The following PRPSAP1 variants were observed in gnomAD, a reference collection of about 807,000 sequenced individuals.
The protein encoded by PRPSAP1 is phosphoribosyl pyrophosphate synthase-associated protein 1.
PRPSAP1 carries 31 observed loss-of-function variants against 39.4 expected under a neutral mutation model. The ratio of observed to expected loss-of-function variants is 0.79; its 90% CI spans 0.59 to 1.06. The LOEUF (loss-of-function observed/expected upper bound fraction) is 1.06, where lower values mean the gene tolerates loss of function less well. Ranked by LOEUF, PRPSAP1 falls within the 50% of genes least tolerant of loss-of-function variation. The pLI, the probability that PRPSAP1 is intolerant of heterozygous loss-of-function variation, is 0.00. For synonymous variants in PRPSAP1, 212 were observed against 192.6 expected, an observed-to-expected ratio of 1.10 and a Z score of -0.83; for missense variants, 430 against 511.6, an observed-to-expected ratio of 0.84 and a Z score of 1.54.
chr17:76,312,107 G>A (rs1485510091), intron 9 of PRPSAP1, among the ~76,000 whole-genome samples: 3 of 152,116 alleles, frequency 2.0e-5, no homozygotes, highest in Non-Finnish European at 4.4e-5. Flanking sequence ...GGTTATGTCT[G>A]GATAAACGCA....
intron 7 of PRPSAP1, among the ~76,000 whole-genome samples, chr17:76,317,957 C>T (rs1340232637): frequency 6.8e-6 from 1 of 146,252 alleles, no homozygotes; most frequent in East Asian, 1.9e-4. Context: ...CTAAAATGAG[C>T]TTCTCAGCCT....
At chr17:76,332,903 T>A (rs935553461) in intron 3 of PRPSAP1, among the ~76,000 whole-genome samples, 2 of 151,670 alleles carry the variant, frequency 1.3e-5, no homozygotes, top group Non-Finnish European at 3.0e-5. Context: ...TTTTTTTTTT[T>A]TTTTTTTGAG....
intron 7 of PRPSAP1, among the ~76,000 whole-genome samples, chr17:76,315,700 C>CCTTTT (rs2071115206): frequency 1.4e-5 from 1 of 72,640 alleles, no homozygotes; most frequent in African/African-American, 6.4e-5. Flanking sequence ...GACCTATCCG[C>CCTTTT]TTTTTTTTTT....
In PRPSAP1 at chr17:76,348,546, T is replaced by C. The variant is rs1271423878; in HGVS notation, c.206A>G (p.Tyr69Cys). 2.0e-6 allele frequency: 3 copies of C among 1,516,442 alleles called. No homozygotes were observed. The highest frequency in any genetic ancestry group is 5.0e-5 in the Admixed American group (2 of 40,322). The allele number at this position is 1,516,442 out of a possible 1,614,324, so 93.9% of individuals were successfully genotyped here. ...LGAELGKSVV[Y>C]QETNGETRVE... ...TAACTTACCTCCATTGGTCTCTTGA[T>C]ATACAACAGACTTCCCCAATTCAGC... Residue 69 changes from tyrosine to cysteine, a missense_variant, in exon 2 of 10, where the codon TAT (tyrosine) becomes TGT (cysteine). By Grantham distance (194) the Tyr-to-Cys change is radical. This residue lies in a region of PRPSAP1 where 152 missense variants were observed against 135.2 expected (regional missense o/e 1.12). Transcript: ENST00000446526.
At chr17:76,338,292 C>T (rs1338490181) in intron 3 of PRPSAP1, among the ~76,000 whole-genome samples, 1 of 152,128 alleles carries the variant, frequency 6.6e-6, no homozygotes, top group Non-Finnish European at 1.5e-5. Context: ...ATTTTAATGT[C>T]TAAGCTTTGG....
intron 1 of PRPSAP1, among the ~76,000 whole-genome samples, chr17:76,349,245 G>A (rs902787911): frequency 1.3e-5 from 2 of 151,456 alleles, no homozygotes; most frequent in African/African-American, 4.9e-5. Flanking sequence ...CGGAGGTTGT[G>A]GTGAGCCGAG....
chr17:76,342,169 C>T (rs75496059), intron 3 of PRPSAP1, among the ~76,000 whole-genome samples: 3,701 of 152,228 alleles, frequency 0.024, 73 homozygotes, highest in Non-Finnish European at 0.037. Context: ...GATGTATATA[C>T]GATGAGGCTC....
At chr17:76,328,186 CAAAA>C (rs56020637) in intron 7 of PRPSAP1, among the ~76,000 whole-genome samples, 4 of 108,820 alleles carry the variant, frequency 3.7e-5, no homozygotes, top group Admixed American at 9.2e-5. Flanking sequence ...GATCCTTTCT[CAAAA>C]AAAAAAAAAA....
Position 76,353,849 on chromosome 17 carries a change from C to T in PRPSAP1, c.-146G>A, listed in dbSNP as rs557302132. 22 of 1,364,620 alleles carry T rather than the reference C, an allele frequency of 1.6e-5. No homozygotes were observed. In the South Asian group the frequency reaches 2.6e-4, roughly 16 times the overall value. 84.5% of individuals were successfully genotyped at this position (1,364,620 alleles called of 1,614,324 possible). On this transcript the variant is annotated 5_prime_UTR_variant, in exon 1 of 10. In the 5' UTR this introduces an upstream ATG that the reference lacks. Transcript: ENST00000446526. Reference sequence around the variant, plus strand: ...GCTCCGAGGTCCGTGCCCTTGCGCACCCCACACCACTGACTACAGCGGCCG... The same window carrying T: ...GCTCCGAGGTCCGTGCCCTTGCGCATCCCACACCACTGACTACAGCGGCCG...
rs1245537566 is a variant in PRPSAP1 at position 76,310,609 on chromosome 17, G to A, written c.*933C>T. On this transcript the variant is annotated 3_prime_UTR_variant, in exon 10 of 10. Coordinates refer to ENST00000446526, the MANE Select transcript of PRPSAP1 (RefSeq NM_002766.3). Reference sequence around the variant, plus strand: ...GCCTCCCAAGGTAGCTGGAACTACAGGCACATGCTACCAATGCCTGGCTAA... The same window carrying A: ...GCCTCCCAAGGTAGCTGGAACTACAAGCACATGCTACCAATGCCTGGCTAA... The A allele has an allele frequency of 1.3e-5, 2 of 151,712 alleles. No individual in the cohort carries two copies. The highest frequency in any genetic ancestry group is 2.4e-5 in the African/African-American group (1 of 41,254). The allele number at this position is 151,712 out of a possible 1,614,324, so 9.4% of individuals were successfully genotyped here.
At chr17:76,332,731 G>A (rs1302393696) in intron 3 of PRPSAP1, among the ~76,000 whole-genome samples, 1 of 152,192 alleles carries the variant, frequency 6.6e-6, no homozygotes, top group African/African-American at 2.4e-5. Context: ...TGAAGCAACT[G>A]CTGGTGACCA....
chr17:76,334,404 A>T (rs540273675), intron 3 of PRPSAP1, among the ~76,000 whole-genome samples: 1 of 152,348 alleles, frequency 6.6e-6, no homozygotes, highest in South Asian at 2.1e-4. Flanking sequence ...ACTCAGCAAG[A>T]GATGCTTTCT....
intron 1 of PRPSAP1, among the ~76,000 whole-genome samples, chr17:76,351,517 C>CA (rs2071572073): frequency 6.7e-6 from 1 of 148,984 alleles, no homozygotes; most frequent in Non-Finnish European, 1.5e-5. Flanking sequence ...CGTCTCAAAA[C>CA]AAAAAACAAA....
intron 4 of PRPSAP1, among the ~76,000 whole-genome samples, chr17:76,332,052 G>T (rs1780085893): frequency 6.6e-6 from 1 of 151,968 alleles, no homozygotes. Context: ...GAGAAGAGAA[G>T]ACACTAAAGC....
intron 4 of PRPSAP1, 31 bp from the exon 5 acceptor site, chr17:76,330,697 T>C: frequency 6.8e-7 from 1 of 1,464,504 alleles, no homozygotes; most frequent in Non-Finnish European, 9.5e-7. Context: ...ATTACAAAGT[T>C]CACCCCTACA....
intron 1 of PRPSAP1, among the ~76,000 whole-genome samples, chr17:76,352,411 C>T (rs1197123724): frequency 2.0e-5 from 3 of 151,882 alleles, no homozygotes; most frequent in African/African-American, 7.3e-5. Context: ...TTTGGGAGGC[C>T]GAGGCGGGCG....
intron 3 of PRPSAP1, among the ~76,000 whole-genome samples, chr17:76,339,278 G>A (rs558381569): frequency 3.3e-5 from 5 of 151,250 alleles, no homozygotes; most frequent in East Asian, 3.9e-4. Context: ...GGTGGCACAC[G>A]CCTATAATCC....
rs1207367171 is a variant in PRPSAP1, at chr17:76,333,049, G to A, written c.291-614C>T. ...TGGGACTACAGGCGCCCGCCACCTC[G>A]CCCGGCTAATTTTTTGTATTTTTAG... On this transcript the variant is annotated intron_variant, in intron 3 of 9. Transcript: ENST00000446526. Among the ~76,000 whole-genome samples, 6 of 151,252 alleles carry A rather than the reference G, an allele frequency of 4.0e-5. 2 individuals carry two copies. The highest frequency in any genetic ancestry group is 1.5e-4 in the African/African-American group (6 of 41,150).
intron 8 of PRPSAP1, 77 bp from the exon 9 acceptor site, chr17:76,313,093 T>C (rs1245965789): frequency 2.0e-6 from 3 of 1,487,984 alleles, no homozygotes; most frequent in Non-Finnish European, 2.7e-6. Context: ...ACCACTCTAC[T>C]CTCTTCTGCA....
Sources: gnomAD v4.1 joint callset for allele counts (sites outside exome capture counted in the v4.1 genomes callset) on GRCh38, gnomAD v4.1.1 for gene constraint, gnomAD v4.1.1 regional missense constraint, MANE v1.5 for transcripts, NCBI Gene and HGNC (gene_info 2026-07-23, HGNC 2026-07-21) for gene names.